Variants in KCTD5 observed in about 807,000 individuals in gnomAD.
The protein encoded by KCTD5 is BTB/POZ domain-containing protein KCTD5.
KCTD5 carries 12 observed loss-of-function variants against 27.9 expected under a neutral mutation model. That is an observed-to-expected ratio of 0.43 (90% CI 0.28 to 0.70). KCTD5 has a LOEUF of 0.70. Ranked by LOEUF, KCTD5 falls within the 30% of genes least tolerant of loss-of-function variation. KCTD5 has a pLI of 0.19. For missense variants in KCTD5, 226 were observed against 274.8 expected, an observed-to-expected ratio of 0.82 and a Z score of 1.26; for synonymous variants, 147 against 121.4, an observed-to-expected ratio of 1.21 and a Z score of -1.39.
intron 1 of KCTD5, among the ~76,000 whole-genome samples, chr16:2,691,896 C>A (rs749246541): frequency 6.6e-4 from 100 of 152,352 alleles, no homozygotes; most frequent in Non-Finnish European, 1.1e-3. Context: ...TGCACCCAGG[C>A]TGCTGGCCCC....
intron 1 of KCTD5, among the ~76,000 whole-genome samples, chr16:2,688,695 C>T (rs2067553612): frequency 9.0e-6 from 1 of 111,608 alleles, no homozygotes; most frequent in African/African-American, 3.6e-5. Context: ...AGGAGTGGCT[C>T]GCCCTGCCAG....
rs548216460 is a variant in KCTD5, at chr16:2,690,044, C to A, written c.253-5891C>A. Reference sequence around the variant, plus strand: ...TCCCTGAGAGGCTGGGGAACCCCCACGTTGCCCCCGGTGCTTTGCTGGGTG... The same window carrying A: ...TCCCTGAGAGGCTGGGGAACCCCCAAGTTGCCCCCGGTGCTTTGCTGGGTG... On this transcript the variant is annotated intron_variant, in intron 1 of 5. Coordinates refer to ENST00000301738, the MANE Select transcript of KCTD5 (RefSeq NM_018992.4). 8.5e-5 allele frequency among the ~76,000 whole-genome samples: 13 copies of A among 152,392 alleles called. 1 individual carries two copies. The South Asian group carries it at 1.7e-3, about 19-fold the overall frequency.
chr16:2,699,482 A>C (rs2067601850), intron 3 of KCTD5, among the ~76,000 whole-genome samples: 4 of 152,196 alleles, frequency 2.6e-5, no homozygotes, highest in Non-Finnish European at 5.9e-5. Context: ...CGACCGATGA[A>C]TTCAGGGCTG....
At position 2,699,901 on chromosome 16, in the gene KCTD5, C is replaced by T. The variant is rs142117942; in HGVS notation, c.534C>T (p.Gly178=). The part of the protein sequence containing the change: ...LTQMVSTMSD[G]WKFEQLVSIG... ...AGATGGTGTCCACCATGTCCGACGG[C>T]TGGAAGTTCGAGCAGGTGAGGGGCC... The change falls in exon 4 of 6, where the codon GGC becomes GGT. Residue 178 remains glycine, a synonymous_variant. Coordinates refer to ENST00000301738, the MANE Select transcript of KCTD5 (RefSeq NM_018992.4). 1.5e-4 allele frequency: 237 copies of T among 1,613,752 alleles called. No individual in the cohort carries two copies. Among genetic ancestry groups the T allele is most frequent in the Non-Finnish European group, 1.9e-4 (219 of 1,179,962 alleles).
chr16:2,700,534 G>T (rs1231990006), intron 4 of KCTD5, among the ~76,000 whole-genome samples: 1 of 152,224 alleles, frequency 6.6e-6, no homozygotes, highest in Non-Finnish European at 1.5e-5. Flanking sequence ...GTGAGGCATG[G>T]CCTCTGACCG....
intron 1 of KCTD5, among the ~76,000 whole-genome samples, chr16:2,690,145 T>A (rs2067558987): frequency 6.6e-6 from 1 of 152,246 alleles, no homozygotes; most frequent in Non-Finnish European, 1.5e-5. Flanking sequence ...ACCACACTTC[T>A]CTGAGTGTTG....
rs1445550504 is a variant in KCTD5, at chr16:2,707,850, C to T, written c.*523C>T. ...GACCTCGCAGAGCTCCTGACAAAGG[C>T]GGCTTCTGCGTCGTCACTGCTTCCC... On this transcript the variant is annotated 3_prime_UTR_variant, in exon 6 of 6. Coordinates refer to ENST00000301738, the MANE Select transcript of KCTD5 (RefSeq NM_018992.4). 4.2e-5 allele frequency: 8 copies of T among 192,708 alleles called. No homozygotes were observed. Among genetic ancestry groups the T allele is most frequent in the Admixed American group, 5.9e-5 (1 of 16,822 alleles). The allele number at this position is 192,708 out of a possible 1,614,324, so 11.9% of individuals were successfully genotyped here.
At chr16:2,700,093 T>C (rs2067604295) in intron 4 of KCTD5, among the ~76,000 whole-genome samples, 177 bp downstream of exon 4, 1 of 152,178 alleles carries the variant, frequency 6.6e-6, no homozygotes, top group Admixed American at 6.5e-5. Context: ...CCTTGGGAGT[T>C]CGGGTGGGGT....
Position 2,682,573 on chromosome 16 carries a change from C to T in KCTD5, c.25C>T (p.Leu9=), listed in dbSNP as rs201544210. The T allele has an allele frequency of 1.4e-6, 2 of 1,415,662 alleles. No individual in the cohort carries two copies. Among genetic ancestry groups the T allele is most frequent in the Admixed American group, 3.0e-5 (1 of 33,142 alleles). 87.7% of individuals were successfully genotyped at this position (1,415,662 alleles called of 1,614,324 possible). A position where few individuals can be genotyped will look rare whatever the true frequency, so the allele number is the denominator to read the frequency against. ...CATGGCGGAGAATCACTGCGAGCTC[C>T]TGTCGCCGGCCCGGGGCGGCATCGG... is the stretch of plus-strand genomic sequence containing the variant. MAENHCEL[L]SPARGGIGAG... The change falls in exon 1 of 6, where the codon CTG becomes TTG. Residue 9 remains leucine, a synonymous_variant. Coordinates refer to ENST00000301738, the MANE Select transcript of KCTD5 (RefSeq NM_018992.4).
chr16:2,687,889 G>A (rs192855194), intron 1 of KCTD5, among the ~76,000 whole-genome samples: 2 of 152,124 alleles, frequency 1.3e-5, no homozygotes, highest in African/African-American at 4.8e-5. Context: ...TTCTCCCTGG[G>A]CGTCAACTCG....
chr16:2,688,228 A>AATATAT (rs772886064), intron 1 of KCTD5, among the ~76,000 whole-genome samples: 4 of 84,580 alleles, frequency 4.7e-5, no homozygotes, highest in East Asian at 4.8e-4. Flanking sequence ...TAAATAAATA[A>AATATAT]ATATATATAT....
At chr16:2,687,485 A>G (rs1236383366) in intron 1 of KCTD5, among the ~76,000 whole-genome samples, 1 of 152,252 alleles carries the variant, frequency 6.6e-6, no homozygotes, top group East Asian at 1.9e-4. Flanking sequence ...GGTTTAGAGC[A>G]GGAGTCAGAA....
rs184102691 is a variant in KCTD5 at position 2,707,274 on chromosome 16, T to C, written c.676-24T>C. On this transcript the variant is annotated intron_variant, in intron 5 of 5. Transcript: ENST00000301738. ...GACACCTCCTCAGCCCAAGTCCTCA[T>C]TTTATGCATTTGGTGTTTTTCAGAT... The C allele has an allele frequency of 1.4e-4, 219 of 1,611,304 alleles. No homozygotes were observed. The African/African-American group carries it at 2.6e-3, about 19-fold the overall frequency.
chr16:2,703,572 G>C (rs969200212), intron 5 of KCTD5, among the ~76,000 whole-genome samples: 2 of 152,344 alleles, frequency 1.3e-5, no homozygotes, highest in African/African-American at 4.8e-5. Context: ...GCCTCTCCGA[G>C]TAGGCCTTTG....
At chr16:2,696,815 C>G (rs916968849) in intron 2 of KCTD5, among the ~76,000 whole-genome samples, 5 of 152,256 alleles carry the variant, frequency 3.3e-5, no homozygotes, top group African/African-American at 4.8e-5. Context: ...CCAGCCCTGC[C>G]CCTGCTCTGA....
intron 2 of KCTD5, among the ~76,000 whole-genome samples, chr16:2,696,832 G>A (rs2067588300): frequency 1.3e-5 from 2 of 152,252 alleles, no homozygotes; most frequent in African/African-American, 2.4e-5. Context: ...CTGAGGCTGT[G>A]AGCCATGATC....
intron 1 of KCTD5, among the ~76,000 whole-genome samples, chr16:2,687,801 ACCTG>A (rs1278964779): frequency 6.6e-6 from 1 of 152,106 alleles, no homozygotes; most frequent in Admixed American, 6.5e-5. Context: ...CTGGGGAAGA[ACCTG>A]CCTGCCTGGC....
Position 2,682,651 on chromosome 16 carries a change from C to G in KCTD5, c.103C>G (p.Leu35Val), listed in dbSNP as rs762576695. Residue 35 changes from leucine to valine, a missense_variant, in exon 1 of 6, where the codon CTG (leucine) becomes GTG (valine). By Grantham distance (32) the Leu-to-Val change is conservative. This residue lies in a region of KCTD5 where 91 missense variants were observed against 67.8 expected (regional missense o/e 1.34). Transcript: ENST00000301738. The stretch of plus-strand genomic sequence containing the variant: ...CCGCTGCAGCGCTGGGCTCGGCGCC[C>G]TGGCCCAGCGCCCTGGCAGCGTGTC... ...CRRCSAGLGA[L>V]AQRPGSVSKW... The G allele has an allele frequency of 6.3e-7, 1 of 1,594,862 alleles. No individual in the cohort carries two copies.
intron 5 of KCTD5, among the ~76,000 whole-genome samples, chr16:2,705,879 T>G (rs4786320): frequency 0.08 from 12,196 of 152,158 alleles, 1,064 homozygotes; most frequent in African/African-American, 0.2. Context: ...GTCTCCAGGG[T>G]GTCTCCTGCC....
Sources: gnomAD v4.1 joint callset for allele counts (sites outside exome capture counted in the v4.1 genomes callset) on GRCh38, gnomAD v4.1.1 for gene constraint, gnomAD v4.1.1 regional missense constraint, MANE v1.5 for transcripts, NCBI Gene and HGNC (gene_info 2026-07-23, HGNC 2026-07-21) for gene names.